Variants in PDE1A observed in about 807,000 individuals in gnomAD.
The protein encoded by PDE1A is phosphodiesterase 1A, also known as dual specificity calcium/calmodulin-dependent 3',5'-cyclic nucleotide phosphodiesterase 1A.
In PDE1A, 35 loss-of-function variants were observed where a neutral mutation model predicts 61.7. The ratio of observed to expected loss-of-function variants is 0.57; its 90% CI spans 0.43 to 0.75. The LOEUF (loss-of-function observed/expected upper bound fraction) is 0.75. Among genes scored for constraint, PDE1A ranks in the 30% least tolerant of loss-of-function variants. The pLI is 0.00. For synonymous variants in PDE1A, 232 were observed against 213.2 expected (o/e 1.09, Z -0.77); for missense variants, 597 against 630.6 (o/e 0.95, Z 0.57).
intron 1 of PDE1A, among the ~76,000 whole-genome samples, chr2:182,305,075 C>T (rs1695490038): frequency 6.6e-6 from 1 of 151,964 alleles, no homozygotes; most frequent in African/African-American, 2.4e-5. Context: ...AGTTGTCCAC[C>T]AAGAAAACAC....
At chr2:182,496,123 T>C (rs1206990238) in intron 2 of PDE1A, among the ~76,000 whole-genome samples, 1 of 152,228 alleles carries the variant, frequency 6.6e-6, no homozygotes, top group African/African-American at 2.4e-5. Context: ...GTCTTTTATT[T>C]TTTTATCTCT....
the PDE1A span, among the ~76,000 whole-genome samples, chr2:182,684,453 G>A: frequency 6.6e-6 from 1 of 152,182 alleles, no homozygotes; most frequent in African/African-American, 2.4e-5. Context: ...CTTTGAAGTA[G>A]AGACTACAAA....
intron 10 of PDE1A, among the ~76,000 whole-genome samples, chr2:182,199,205 T>C (rs188318638): frequency 1.4e-4 from 21 of 152,092 alleles, no homozygotes; most frequent in Non-Finnish European, 2.5e-4. Flanking sequence ...CTTTCATTTA[T>C]AGTTTTTTCC....
At chr2:182,395,010 C>G (rs1003023788) in intron 1 of PDE1A, among the ~76,000 whole-genome samples, 3 of 152,224 alleles carry the variant, frequency 2.0e-5, no homozygotes, top group African/African-American at 7.2e-5. Flanking sequence ...AGATGGATCT[C>G]TGAGAATGAC....
At chr2:182,468,537 C>A (rs1311201845) in intron 2 of PDE1A, among the ~76,000 whole-genome samples, 1 of 151,942 alleles carries the variant, frequency 6.6e-6, no homozygotes, top group Non-Finnish European at 1.5e-5. Context: ...CCACTAATGT[C>A]TTAAACCCCT....
In PDE1A at chr2:182,412,540, G is replaced by A. The variant is rs141690506; in HGVS notation, c.53+14038C>T. Among the ~76,000 whole-genome samples, 387 of 152,300 alleles carry A rather than the reference G, an allele frequency of 2.5e-3. 2 individuals carry two copies. The highest frequency in any genetic ancestry group is 8.9e-3 in the African/African-American group (368 of 41,556). On this transcript the variant is annotated intron_variant, in intron 1 of 13. Coordinates refer to ENST00000351439, the Ensembl canonical transcript of PDE1A. ...ATGTAGGTAAGATCCCTGGCATGTA[G>A]TGGATGCTCAATGGTTATTACTGCC...
At chr2:182,327,706 GC>G (rs1339445120) in intron 1 of PDE1A, among the ~76,000 whole-genome samples, 36 of 152,216 alleles carry the variant, frequency 2.4e-4, no homozygotes, top group Non-Finnish European at 5.0e-4. Context: ...CAGGGACAAA[GC>G]CTGATTCCAG....
chr2:182,291,605 C>G (rs1314202565), intron 1 of PDE1A, among the ~76,000 whole-genome samples: 2 of 152,060 alleles, frequency 1.3e-5, no homozygotes, highest in Admixed American at 1.3e-4. Flanking sequence ...CCTCTGGGAA[C>G]ATGAGAGACT....
At chr2:182,393,706 G>T (rs565690077) in intron 1 of PDE1A, among the ~76,000 whole-genome samples, 4 of 152,270 alleles carry the variant, frequency 2.6e-5, no homozygotes, top group East Asian at 1.9e-4. Context: ...TTGCTGCTTA[G>T]AAATTTTTTC....
At chr2:182,425,363 G>A (rs1359410103) in intron 1 of PDE1A, among the ~76,000 whole-genome samples, 1 of 152,158 alleles carries the variant, frequency 6.6e-6, no homozygotes, top group African/African-American at 2.4e-5. Flanking sequence ...AATATGGTAG[G>A]TGAATATATT....
At chr2:182,522,924 T>C (rs1376969989), upstream of PDE1A, 1 of 152,256 alleles carries the variant, frequency 6.6e-6, no homozygotes, top group African/African-American at 2.4e-5. Context: ...AAGGTTTTTT[T>C]CTCTAAATTG....
chr2:182,287,340 T>A (rs1047451114), intron 1 of PDE1A, among the ~76,000 whole-genome samples: 1 of 152,166 alleles, frequency 6.6e-6, no homozygotes, highest in Non-Finnish European at 1.5e-5. Flanking sequence ...TATTTTAACA[T>A]TCTACATAAA....
At chr2:182,673,244 T>C in the PDE1A span, among the ~76,000 whole-genome samples, 4 of 152,218 alleles carry the variant, frequency 2.6e-5, no homozygotes, top group African/African-American at 9.6e-5. Flanking sequence ...GTAATCAATA[T>C]GTTAGGCTGA....
At chr2:182,613,890 A>G in the PDE1A span, among the ~76,000 whole-genome samples, 1 of 152,224 alleles carries the variant, frequency 6.6e-6, no homozygotes, top group Non-Finnish European at 1.5e-5. Context: ...GGTCAATATT[A>G]GATCATGCCA....
In PDE1A at chr2:182,264,889, A is replaced by ATATATATATATATATATATATATATG. The variant is rs1223035626; in HGVS notation, c.54-476_54-475insCATATATATATATATATATATATATA. On this transcript the variant is annotated intron_variant, in intron 1 of 13. Coordinates refer to ENST00000351439, the Ensembl canonical transcript of PDE1A. ...GTGGTATATATATACATATATATAT[A>ATATATATATATATATATATATATATG]TATGTATATATATACACCATGGAAT... Among the ~76,000 whole-genome samples the ATATATATATATATATATATATATATG allele has an allele frequency of 2.9e-4, 41 of 140,264 alleles. No homozygotes were observed. The South Asian group carries it at 3.5e-3, about 12-fold the overall frequency. 92.0% of individuals were successfully genotyped at this position (140,264 alleles called of 152,430 possible).
At chr2:182,686,267 A>G in the PDE1A span, among the ~76,000 whole-genome samples, 3 of 152,234 alleles carry the variant, frequency 2.0e-5, no homozygotes, top group Non-Finnish European at 2.9e-5. Context: ...AATGACTTAT[A>G]TGAATAGATT....
rs78785470 is a variant in PDE1A at position 182,330,649 on chromosome 2, C to T, written c.54-66235G>A. Among the ~76,000 whole-genome samples the T allele has an allele frequency of 2.9e-3, 437 of 152,230 alleles. 2 individuals carry two copies. Among genetic ancestry groups the T allele is most frequent in the African/African-American group, 1.0e-2 (415 of 41,542 alleles). On this transcript the variant is annotated intron_variant, in intron 1 of 13. Coordinates refer to ENST00000351439, the Ensembl canonical transcript of PDE1A. ...CCTGCCCTCTCTGCCTCTGAACCCA[C>T]GGCAATCCCACTACCATCGCTGCAG...
At chr2:182,515,065 C>A (rs1010323599) in intron 2 of PDE1A, among the ~76,000 whole-genome samples, 4 of 152,122 alleles carry the variant, frequency 2.6e-5, no homozygotes, top group African/African-American at 9.7e-5. Context: ...TGAACTTGGG[C>A]AGGAATTATG....
chr2:182,346,831 A>C (rs1698548775), intron 1 of PDE1A, among the ~76,000 whole-genome samples: 1 of 152,174 alleles, frequency 6.6e-6, no homozygotes, highest in Non-Finnish European at 1.5e-5. Context: ...TCACTCAGAG[A>C]ATAAATAACA....
Sources: gnomAD v4.1 joint callset for allele counts (sites outside exome capture counted in the v4.1 genomes callset) on GRCh38, gnomAD v4.1.1 for gene constraint, MANE v1.5 for transcripts, NCBI Gene and HGNC (gene_info 2026-07-23, HGNC 2026-07-21) for gene names.